Variants in TRHDE observed in about 807,000 individuals in gnomAD.
TRHDE encodes the protein thyrotropin-releasing hormone-degrading ectoenzyme.
In TRHDE, 72 loss-of-function variants were observed where a neutral mutation model predicts 125.7. That is an observed-to-expected ratio of 0.57 (90% CI 0.47 to 0.70). The LOEUF is 0.70. Ranked by LOEUF, TRHDE falls within the 30% of genes least tolerant of loss-of-function variation. The pLI is 0.00. For synonymous variants in TRHDE, 509 were observed against 509.1 expected (o/e 1.00, Z 0.00); for missense variants, 1,110 against 1,327.1 (o/e 0.84, Z 2.54).
intron 2 of TRHDE, among the ~76,000 whole-genome samples, chr12:72,122,208 C>T (rs901090552): frequency 2.6e-5 from 4 of 151,966 alleles, no homozygotes; most frequent in Admixed American, 6.6e-5. Flanking sequence ...GACTTCAGGC[C>T]GAGCTCTGGA....
intron 2 of TRHDE, among the ~76,000 whole-genome samples, chr12:72,206,942 A>T (rs1022265932): frequency 2.6e-5 from 4 of 152,136 alleles, no homozygotes; most frequent in African/African-American, 9.7e-5. Flanking sequence ...AACTTGTTGA[A>T]AGCAACTGGA....
chr12:72,204,087 A>G (rs1877616978), intron 2 of TRHDE, among the ~76,000 whole-genome samples: 1 of 152,162 alleles, frequency 6.6e-6, no homozygotes, highest in South Asian at 2.1e-4. Flanking sequence ...ACAGCCAGAT[A>G]TCTTAGGATT....
At chr12:72,123,398 A>G (rs1159182863) in intron 2 of TRHDE, among the ~76,000 whole-genome samples, 3 of 152,154 alleles carry the variant, frequency 2.0e-5, no homozygotes, top group Non-Finnish European at 4.4e-5. Flanking sequence ...CATTAGAGAA[A>G]TTTGAAAAAC....
intron 13 of TRHDE, among the ~76,000 whole-genome samples, chr12:72,620,588 T>C (rs1306981803): frequency 6.6e-6 from 1 of 152,058 alleles, no homozygotes; most frequent in Non-Finnish European, 1.5e-5. Flanking sequence ...AATGTGTCAT[T>C]AGCTGAATGA....
At chr12:72,104,894 A>G (rs957549363) in intron 1 of TRHDE, among the ~76,000 whole-genome samples, 3 of 152,162 alleles carry the variant, frequency 2.0e-5, no homozygotes, top group Non-Finnish European at 2.9e-5. Flanking sequence ...TCCACTTCAC[A>G]TCTCTCATCT....
intron 12 of TRHDE, among the ~76,000 whole-genome samples, chr12:72,617,377 A>C (rs1872862295): frequency 6.6e-6 from 1 of 152,150 alleles, no homozygotes; most frequent in Non-Finnish European, 1.5e-5. Flanking sequence ...GCACAGGTAT[A>C]AACTAATATT....
intron 2 of TRHDE, among the ~76,000 whole-genome samples, chr12:72,236,294 T>C (rs746966078): frequency 3.9e-5 from 6 of 152,230 alleles, no homozygotes; most frequent in Non-Finnish European, 8.8e-5. Flanking sequence ...GTTATTCATG[T>C]GACTCACCAG....
intron 12 of TRHDE, among the ~76,000 whole-genome samples, chr12:72,605,434 G>GTCTC (rs1196970502): frequency 2.0e-5 from 3 of 151,860 alleles, no homozygotes; most frequent in Non-Finnish European, 4.4e-5. Context: ...CCCTTATGAG[G>GTCTC]GAGAGCAAAG....
At chr12:72,098,833 G>T (rs1874998307) in intron 1 of TRHDE, among the ~76,000 whole-genome samples, 1 of 152,162 alleles carries the variant, frequency 6.6e-6, no homozygotes. Context: ...AAAACTAGCA[G>T]AGGAACTGCT....
At chr12:72,130,468 GA>G (rs1372097278) in intron 2 of TRHDE, among the ~76,000 whole-genome samples, 6 of 152,184 alleles carry the variant, frequency 3.9e-5, no homozygotes, top group Admixed American at 6.5e-5. Flanking sequence ...GGCAGTATAA[GA>G]GGGGAAAGGA....
chr12:72,435,432 C>T (rs1249935341), intron 3 of TRHDE, among the ~76,000 whole-genome samples: 1 of 152,058 alleles, frequency 6.6e-6, no homozygotes, highest in African/African-American at 2.4e-5. Flanking sequence ...GATATCTAAA[C>T]CAGGATGGGA....
chr12:72,516,417 G>A (rs1431952569), intron 6 of TRHDE, among the ~76,000 whole-genome samples: 1 of 152,068 alleles, frequency 6.6e-6, no homozygotes, highest in African/African-American at 2.4e-5. Flanking sequence ...TTGTGAATGG[G>A]AATTCACTCA....
At chr12:72,131,557 A>C (rs1875867476) in intron 2 of TRHDE, among the ~76,000 whole-genome samples, 4 of 152,120 alleles carry the variant, frequency 2.6e-5, no homozygotes, top group African/African-American at 9.7e-5. Flanking sequence ...AGCTTTCATA[A>C]GAGTATTTTT....
At chr12:72,467,222 A>C (rs888581191) in intron 3 of TRHDE, among the ~76,000 whole-genome samples, 1 of 151,542 alleles carries the variant, frequency 6.6e-6, no homozygotes, top group Non-Finnish European at 1.5e-5. Context: ...TCCTAATGCT[A>C]TCCCTCCCCA....
At chr12:72,234,673 G>T (rs1878307685) in intron 2 of TRHDE, among the ~76,000 whole-genome samples, 1 of 152,110 alleles carries the variant, frequency 6.6e-6, no homozygotes, top group Admixed American at 6.5e-5. Context: ...AAGAGATTTG[G>T]AGTAGTAGAG....
At chr12:72,199,064 G>GATCT (rs1182851461) in intron 2 of TRHDE, among the ~76,000 whole-genome samples, 3 of 152,110 alleles carry the variant, frequency 2.0e-5, no homozygotes, top group African/African-American at 7.2e-5. Flanking sequence ...CCATCCCTAT[G>GATCT]ATCTAATCAT....
rs1592485448 is a variant in TRHDE at position 72,211,531 on chromosome 12, CA to C, written n.279+105782del. The stretch of plus-strand genomic sequence containing the variant: ...AGCTTTTGATAATTTAATCAGTGAT[CA>C]AAGAACAACAGTGTACCATTTCTAA... On this transcript the variant is annotated intron_variant and non_coding_transcript_variant, in intron 2 of 4. Transcript: ENST00000548156. Among the ~76,000 whole-genome samples the C allele has an allele frequency of 2.0e-5, 3 of 152,158 alleles. No homozygotes were observed. The South Asian group carries it at 6.2e-4, about 32-fold the overall frequency.
At chr12:72,121,299 G>T (rs1266406785) in intron 2 of TRHDE, among the ~76,000 whole-genome samples, 3 of 152,174 alleles carry the variant, frequency 2.0e-5, no homozygotes, top group Non-Finnish European at 4.4e-5. Context: ...TACAGGAATT[G>T]CAGTCCTTGT....
intron 3 of TRHDE, among the ~76,000 whole-genome samples, chr12:72,452,373 T>TTG (rs1472696751): frequency 1.3e-5 from 2 of 152,138 alleles, no homozygotes; most frequent in Admixed American, 6.6e-5. Flanking sequence ...ATATGTAAGA[T>TTG]TGTGTCATTG....
Sources: gnomAD v4.1 joint callset for allele counts (sites outside exome capture counted in the v4.1 genomes callset) on GRCh38, gnomAD v4.1.1 for gene constraint, MANE v1.5 for transcripts, NCBI Gene and HGNC (gene_info 2026-07-23, HGNC 2026-07-21) for gene names.